BCHE: variants seen among roughly 807,000 people sequenced by gnomAD.
The protein encoded by BCHE is cholinesterase.
A neutral mutation model predicts 51.3 loss-of-function variants in BCHE; 48 were observed. That is an observed-to-expected ratio of 0.94 (90% CI 0.74 to 1.19). BCHE has a LOEUF of 1.19. BCHE is among the 50% of genes most tolerant of loss of function. The pLI is 0.00. For missense variants in BCHE, 847 were observed against 708.2 expected, an observed-to-expected ratio of 1.20 and a Z score of -2.23; for synonymous variants, 251 against 238.0, an observed-to-expected ratio of 1.05 and a Z score of -0.50.
chr3:165,807,808 C>T (rs1043134464), intron 2 of BCHE, among the ~76,000 whole-genome samples: 33 of 152,110 alleles, frequency 2.2e-4, no homozygotes, highest in Admixed American at 5.2e-4. Context: ...AAGTGGCCCA[C>T]CGAACTGATC....
chr3:165,788,713 C>T (rs187327515), intron 2 of BCHE, among the ~76,000 whole-genome samples: 5 of 152,222 alleles, frequency 3.3e-5, no homozygotes, highest in Admixed American at 6.5e-5. Context: ...TGAATGGCAA[C>T]GTAAACAGAG....
At chr3:165,791,907 C>T (rs1341989113) in intron 2 of BCHE, among the ~76,000 whole-genome samples, 1 of 151,072 alleles carries the variant, frequency 6.6e-6, no homozygotes, top group Non-Finnish European at 1.5e-5. Flanking sequence ...GAGATCTTGC[C>T]ACTGACTCCA....
intron 2 of BCHE, 27 bp downstream of exon 2, chr3:165,829,490 A>C (rs1714860375): frequency 7.6e-6 from 12 of 1,586,120 alleles, no homozygotes; most frequent in Non-Finnish European, 1.0e-5. Context: ...ACCAAGCCAG[A>C]GAACAATGAC....
intron 2 of BCHE, among the ~76,000 whole-genome samples, chr3:165,797,106 C>A (rs1713410633): frequency 6.6e-6 from 1 of 150,414 alleles, no homozygotes; most frequent in African/African-American, 2.4e-5. Context: ...CTTTTTCTTT[C>A]CCTTCCTTCC....
chr3:165,828,542 A>G (rs780275469), intron 2 of BCHE, among the ~76,000 whole-genome samples: 9 of 152,154 alleles, frequency 5.9e-5, no homozygotes, highest in Non-Finnish European at 1.2e-4. Flanking sequence ...CAATAATGTA[A>G]CTATCGGCAT....
chr3:165,790,733 G>A (rs550683948), intron 2 of BCHE, among the ~76,000 whole-genome samples: 265 of 152,312 alleles, frequency 1.7e-3, no homozygotes, highest in African/African-American at 6.2e-3. Context: ...CTTGAGGAGA[G>A]AAGGGATGAG....
intron 2 of BCHE, among the ~76,000 whole-genome samples, chr3:165,787,345 T>C (rs2108203308): frequency 6.6e-6 from 1 of 152,000 alleles, no homozygotes; most frequent in African/African-American, 2.4e-5. Context: ...GTTATTAGTA[T>C]GAGTTAGACA....
At chr3:165,793,938 T>C (rs1399533743) in intron 2 of BCHE, among the ~76,000 whole-genome samples, 2 of 151,798 alleles carry the variant, frequency 1.3e-5, no homozygotes, top group Non-Finnish European at 2.9e-5. Flanking sequence ...TCCCAGCTCC[T>C]CGGAAGGCTG....
At chr3:165,810,579 A>G (rs1714054100) in intron 2 of BCHE, among the ~76,000 whole-genome samples, 1 of 152,164 alleles carries the variant, frequency 6.6e-6, no homozygotes. Flanking sequence ...CATCTACTAA[A>G]GGCATGACAA....
exon 1 of BCHE, chr3:165,837,409 AAATTGGACTGCACTGAC>A (rs1227341101): frequency 7.8e-7 from 1 of 1,289,622 alleles, no homozygotes; most frequent in Non-Finnish European, 1.0e-6. Flanking sequence ...TCCAGCCTGT[AAATTGGACTGCACTGAC>A]ATTCAGTGTT....
At chr3:165,828,206 G>A in intron 2 of BCHE, 2 of 359,888 alleles carry the variant, frequency 5.6e-6, no homozygotes, top group Non-Finnish European at 1.1e-5. Flanking sequence ...TAAAAAAGTA[G>A]GACTTTGTCA....
Position 165,786,654 on chromosome 3 carries a change from C to G in BCHE, c.1518-343G>C, listed in dbSNP as rs140678074. ...GGTGTTACTTTTGTTTCATTATCTTCCCTTATCCTAGGCCCAAAAATTTCA... is the reference window on the plus strand; with the variant it reads ...GGTGTTACTTTTGTTTCATTATCTTGCCTTATCCTAGGCCCAAAAATTTCA... On this transcript the variant is annotated intron_variant, in intron 2 of 3. Coordinates refer to ENST00000264381, the MANE Select transcript of BCHE (RefSeq NM_000055.4). Among the ~76,000 whole-genome samples, 1,335 of 151,760 alleles carry G rather than the reference C, an allele frequency of 8.8e-3. 24 individuals carry two copies. Among genetic ancestry groups the G allele is most frequent in the African/African-American group, 0.031 (1,278 of 41,482 alleles).
chr3:165,821,155 A>C (rs1274187874), intron 2 of BCHE, among the ~76,000 whole-genome samples: 1 of 151,970 alleles, frequency 6.6e-6, no homozygotes, highest in East Asian at 1.9e-4. Flanking sequence ...TCTTTAACTG[A>C]TATTATTTTG....
chr3:165,823,429 G>A (rs1039381096), intron 2 of BCHE, among the ~76,000 whole-genome samples: 9 of 151,948 alleles, frequency 5.9e-5, no homozygotes, highest in Non-Finnish European at 2.9e-5. Context: ...TTATAATACT[G>A]GACAGAACAA....
At chr3:165,808,015 G>T (rs960695704) in intron 2 of BCHE, among the ~76,000 whole-genome samples, 1 of 149,830 alleles carries the variant, frequency 6.7e-6, no homozygotes, top group African/African-American at 2.5e-5. Context: ...ACAGAGTCTC[G>T]CTCTGTCGCC....
intron 2 of BCHE, among the ~76,000 whole-genome samples, chr3:165,805,796 C>T (rs1434477520): frequency 2.0e-5 from 3 of 152,102 alleles, no homozygotes; most frequent in Non-Finnish European, 4.4e-5. Context: ...TTCAGTCCGA[C>T]ATACGTTCTT....
chr3:165,775,873 G>A (rs1576831727), intron 3 of BCHE, among the ~76,000 whole-genome samples: 1 of 151,906 alleles, frequency 6.6e-6, no homozygotes, highest in Admixed American at 6.6e-5. Flanking sequence ...AAAATATTGA[G>A]TTTGAAGTAA....
chr3:165,787,053 C>T (rs1029817760), intron 2 of BCHE, among the ~76,000 whole-genome samples: 1 of 151,728 alleles, frequency 6.6e-6, no homozygotes, highest in Non-Finnish European at 1.5e-5. Flanking sequence ...CTAGCTGTTA[C>T]TTTTGCTTGG....
chr3:165,829,721 G>A lies in BCHE; in HGVS notation c.1313C>T (p.Ser438Leu), dbSNP rs1179746758. Residue 438 changes from serine to leucine, a missense_variant, in exon 2 of 4, where the codon TCA (serine) becomes TTA (leucine). Coordinates refer to ENST00000264381, the MANE Select transcript of BCHE (RefSeq NM_000055.4). Reference sequence around the variant, plus strand: ...GAAAAAGGCATTATTTCCCCATTCTGAGAACTTCTTGGTGAACTCCAAGGC... The same window carrying A: ...GAAAAAGGCATTATTTCCCCATTCTAAGAACTTCTTGGTGAACTCCAAGGC... ...CPALEFTKKF[S>L]EWGNNAFFYY... The A allele has an allele frequency of 1.2e-6, 2 of 1,613,738 alleles. No homozygotes were observed. The highest frequency in any genetic ancestry group is 1.7e-6 in the Non-Finnish European group (2 of 1,179,914).
Sources: allele counts gnomAD v4.1 joint callset (sites outside exome capture counted in the v4.1 genomes callset), GRCh38; gene constraint gnomAD v4.1.1; transcripts MANE v1.5; gene names NCBI Gene and HGNC (gene_info 2026-07-23, HGNC 2026-07-21).